HS6ST3: variants seen among roughly 807,000 people sequenced by gnomAD.
The protein encoded by HS6ST3 is heparan-sulfate 6-O-sulfotransferase 3.
HS6ST3 carries 12 observed loss-of-function variants against 36.7 expected under a neutral mutation model. The observed-to-expected ratio is 0.33, with a 90% CI of 0.21 to 0.53. HS6ST3 has a LOEUF of 0.53. Among genes scored for constraint, HS6ST3 ranks in the 20% least tolerant of loss-of-function variants. The pLI, the probability that HS6ST3 is intolerant of heterozygous loss-of-function variation, is 0.95. For synonymous variants in HS6ST3, 240 were observed against 257.5 expected, an observed-to-expected ratio of 0.93 and a Z score of 0.65; for missense variants, 584 against 640.9, an observed-to-expected ratio of 0.91 and a Z score of 0.96.
chr13:96,119,140 T>C (rs1196743503), intron 1 of HS6ST3, among the ~76,000 whole-genome samples: 3 of 152,220 alleles, frequency 2.0e-5, no homozygotes, highest in African/African-American at 4.8e-5. Flanking sequence ...AAAACCTTTA[T>C]AGTAATAAGA....
chr13:96,808,589 A>G (rs1878249901), intron 1 of HS6ST3, among the ~76,000 whole-genome samples: 1 of 152,180 alleles, frequency 6.6e-6, no homozygotes, highest in Admixed American at 6.5e-5. Flanking sequence ...GTTTTTAGTC[A>G]TGGAGAGTTA....
intron 1 of HS6ST3, among the ~76,000 whole-genome samples, chr13:96,130,284 G>A (rs1250680754): frequency 9.2e-5 from 14 of 152,268 alleles, no homozygotes; most frequent in Admixed American, 2.6e-4. Flanking sequence ...GTGTGGTGCT[G>A]GGAGGGCATT....
At chr13:96,124,201 G>A (rs534640080) in intron 1 of HS6ST3, among the ~76,000 whole-genome samples, 1 of 152,158 alleles carries the variant, frequency 6.6e-6, no homozygotes, top group African/African-American at 2.4e-5. Flanking sequence ...CTCTCTTGAT[G>A]GCAATTTCTA....
intron 1 of HS6ST3, among the ~76,000 whole-genome samples, chr13:96,412,361 C>A (rs1422125745): frequency 2.6e-5 from 4 of 151,932 alleles, no homozygotes; most frequent in African/African-American, 9.7e-5. Context: ...CTTTGGGGCC[C>A]AGGAAGATGA....
At chr13:96,768,343 C>G (rs187974009) in intron 1 of HS6ST3, among the ~76,000 whole-genome samples, 2 of 152,132 alleles carry the variant, frequency 1.3e-5, no homozygotes, top group South Asian at 4.1e-4. Context: ...GCTAGTTGAC[C>G]GTGCAGAAAA....
intron 1 of HS6ST3, among the ~76,000 whole-genome samples, chr13:96,415,205 A>T (rs1376776250): frequency 6.6e-6 from 1 of 152,104 alleles, no homozygotes; most frequent in Non-Finnish European, 1.5e-5. Context: ...ACAGTTCCTG[A>T]GGGAAGTTGT....
chr13:96,576,789 A>G (rs560195088), intron 1 of HS6ST3, among the ~76,000 whole-genome samples: 5 of 151,792 alleles, frequency 3.3e-5, no homozygotes, highest in Admixed American at 6.6e-5. Context: ...CTAAAAATAT[A>G]AAAAATTAGC....
At chr13:96,750,200 G>A (rs1876663965) in intron 1 of HS6ST3, among the ~76,000 whole-genome samples, 2 of 152,188 alleles carry the variant, frequency 1.3e-5, no homozygotes, top group Admixed American at 1.3e-4. Context: ...TTGCCAGGCT[G>A]GCATTTGGTA....
At chr13:96,666,808 C>T (rs975125121) in intron 1 of HS6ST3, among the ~76,000 whole-genome samples, 2 of 152,010 alleles carry the variant, frequency 1.3e-5, no homozygotes, top group African/African-American at 2.4e-5. Context: ...GAAAATAACT[C>T]ATACAGGTAT....
At chr13:96,690,727 T>C (rs554262340) in intron 1 of HS6ST3, among the ~76,000 whole-genome samples, 5 of 152,244 alleles carry the variant, frequency 3.3e-5, no homozygotes, top group African/African-American at 9.6e-5. Flanking sequence ...GCATGGAAAC[T>C]ACCTAGGGGT....
chr13:96,148,090 T>C (rs1851496517), intron 1 of HS6ST3, among the ~76,000 whole-genome samples: 2 of 152,372 alleles, frequency 1.3e-5, no homozygotes, highest in Non-Finnish European at 2.9e-5. Context: ...TATGTATAGC[T>C]CACATTTATT....
chr13:96,479,295 A>G (rs2138896551), intron 1 of HS6ST3, among the ~76,000 whole-genome samples: 1 of 152,338 alleles, frequency 6.6e-6, no homozygotes, highest in African/African-American at 2.4e-5. Flanking sequence ...GTATAATGGT[A>G]GTTCCAGAGA....
chr13:96,818,526 C>G (rs1281821919), intron 1 of HS6ST3, among the ~76,000 whole-genome samples: 1 of 152,106 alleles, frequency 6.6e-6, no homozygotes, highest in African/African-American at 2.4e-5. Flanking sequence ...TGGGTGGGAG[C>G]TGAAGAACAA....
intron 1 of HS6ST3, among the ~76,000 whole-genome samples, chr13:96,122,276 A>G (rs1026722014): frequency 6.6e-6 from 1 of 151,958 alleles, no homozygotes; most frequent in Non-Finnish European, 1.5e-5. Context: ...ATGCTTAGCT[A>G]TATATATTTA....
rs200980868 is a variant in HS6ST3 at position 96,241,629 on chromosome 13, C to CT, written c.707+150074dup. Among the ~76,000 whole-genome samples, 931 of 139,798 alleles carry CT rather than the reference C, an allele frequency of 6.7e-3. 6 individuals carry two copies. Among genetic ancestry groups the CT allele is most frequent in the Non-Finnish European group, 7.9e-3 (504 of 64,022 alleles). The allele number at this position is 139,798 out of a possible 152,430, so 91.7% of individuals were successfully genotyped here. A position where few individuals can be genotyped will look rare whatever the true frequency, so the allele number is the denominator to read the frequency against. ...ATTCAATAAAAATTAAATTTACCAACTTTTTTTTTTTTTTGCAGAGATGTG... is the reference window on the plus strand; with the variant it reads ...ATTCAATAAAAATTAAATTTACCAACTTTTTTTTTTTTTTTGCAGAGATGTG... On this transcript the variant is annotated intron_variant, in intron 1 of 1. Transcript: ENST00000376705.
At chr13:96,707,942 C>A (rs1224350570) in intron 1 of HS6ST3, among the ~76,000 whole-genome samples, 1 of 152,138 alleles carries the variant, frequency 6.6e-6, no homozygotes, top group Non-Finnish European at 1.5e-5. Flanking sequence ...CATTAATGAT[C>A]TAAGTGAAGA....
intron 1 of HS6ST3, among the ~76,000 whole-genome samples, chr13:96,807,274 T>G (rs965043725): frequency 6.6e-6 from 1 of 152,218 alleles, no homozygotes; most frequent in African/African-American, 2.4e-5. Context: ...ACTGTCCTCC[T>G]GTTACGGGTT....
At chr13:96,559,508 G>T (rs534920160) in intron 1 of HS6ST3, among the ~76,000 whole-genome samples, 1 of 152,168 alleles carries the variant, frequency 6.6e-6, no homozygotes, top group African/African-American at 2.4e-5. Context: ...TATCTAGCTG[G>T]TATTTGGAGA....
At chr13:96,827,250 T>G (rs1355750563) in intron 1 of HS6ST3, among the ~76,000 whole-genome samples, 1 of 152,156 alleles carries the variant, frequency 6.6e-6, no homozygotes, top group Non-Finnish European at 1.5e-5. Flanking sequence ...AATTAAAGTT[T>G]GGAGAATTAA....
Sources: allele counts gnomAD v4.1 joint callset (sites outside exome capture counted in the v4.1 genomes callset), GRCh38; gene constraint gnomAD v4.1.1; transcripts MANE v1.5; gene names NCBI Gene and HGNC (gene_info 2026-07-23, HGNC 2026-07-21).